CEP192: variants seen among roughly 807,000 people sequenced by gnomAD.
CEP192 encodes centrosomal protein 192.
A neutral mutation model predicts 271.8 loss-of-function variants in CEP192; 151 were observed. That is an observed-to-expected ratio of 0.56 (90% confidence interval 0.49 to 0.64). CEP192 has a LOEUF of 0.64. CEP192 is among the 30% of genes least tolerant of loss of function. CEP192 has a pLI of 0.00. For missense variants in CEP192, 2,910 were observed against 3,020.5 expected (o/e 0.96, Z 0.86); for synonymous variants, 995 against 1,076.5 (o/e 0.92, Z 1.48).
At chr18:13,042,944 T>A (rs1017691005) in intron 15 of CEP192, among the ~76,000 whole-genome samples, 5 of 152,196 alleles carry the variant, frequency 3.3e-5, no homozygotes, top group African/African-American at 1.2e-4. Flanking sequence ...TCATATGAGG[T>A]GTGTATGTCG....
At chr18:13,010,922 A>C (rs1429630253) in intron 4 of CEP192, among the ~76,000 whole-genome samples, 1 of 151,958 alleles carries the variant, frequency 6.6e-6, no homozygotes, top group Admixed American at 6.6e-5. Context: ...ACATCCAGGA[A>C]ATGCAATTCA....
rs375612705 is a variant in CEP192 at position 13,069,883 on chromosome 18, G to A, written c.5174+27G>A. 4.6e-5 allele frequency: 61 copies of A among 1,328,598 alleles called. 3 individuals are homozygous for A. The South Asian group carries it at 5.0e-4, about 11-fold the overall frequency. 82.3% of individuals were successfully genotyped at this position (1,328,598 alleles called of 1,614,324 possible). The stretch of plus-strand genomic sequence containing the variant: ...TAATATAAAAATGTTATAATGGACC[G>A]GGCACAGTGGCTCATGCCTGTAATC... On this transcript the variant is annotated intron_variant, in intron 27 of 44. Coordinates refer to ENST00000506447, the MANE Select transcript of CEP192 (RefSeq NM_032142.4).
At chr18:13,060,169 A>T (rs968411791) in intron 21 of CEP192, among the ~76,000 whole-genome samples, 8 of 152,228 alleles carry the variant, frequency 5.3e-5, no homozygotes, top group Non-Finnish European at 1.0e-4. Context: ...TAGATGGCAC[A>T]GCCTTCTGCA....
rs760484727 is a variant in CEP192 at position 13,059,220 on chromosome 18, C to T, written c.4396C>T (p.Pro1466Ser). The T allele has an allele frequency of 1.1e-5, 18 of 1,614,042 alleles. No homozygotes were observed. In the South Asian group the frequency reaches 1.9e-4, roughly 17 times the overall value. ...ATGCACATTCAGTGTTGCTTCTTGG[C>T]CATGTTCGACAGATGCTGAGACCAT... The part of the protein sequence containing the change: ...FRCTFSVASW[P>S]CSTDAETIVQ... The change falls in exon 21 of 45, where the codon CCA becomes TCA. Residue 1466 changes from proline (P) to serine (S), a missense_variant. Physicochemically the swap from Pro to Ser is moderately conservative, Grantham distance 74. Transcript: ENST00000506447.
At chr18:13,066,502 A>G (rs1396407782) in intron 21 of CEP192, among the ~76,000 whole-genome samples, 2 of 152,170 alleles carry the variant, frequency 1.3e-5, no homozygotes, top group Non-Finnish European at 2.9e-5. Context: ...TAGGAATCCA[A>G]TGATGTGTCC....
At chr18:13,108,911 G>A (rs1422236146) in intron 40 of CEP192, among the ~76,000 whole-genome samples, 2 of 152,116 alleles carry the variant, frequency 1.3e-5, no homozygotes, top group African/African-American at 4.8e-5. Context: ...AACAATAGAT[G>A]CTAGCAAGGC....
chr18:13,102,331 G>C (rs1386248649), intron 38 of CEP192, among the ~76,000 whole-genome samples: 2 of 151,908 alleles, frequency 1.3e-5, no homozygotes, highest in Non-Finnish European at 2.9e-5. Flanking sequence ...CGCCTCTCGG[G>C]GGGCTTCCTG....
intron 9 of CEP192, among the ~76,000 whole-genome samples, chr18:13,027,447 C>T (rs1349286433): frequency 2.0e-5 from 3 of 152,160 alleles, no homozygotes; most frequent in African/African-American, 7.2e-5. Flanking sequence ...CACACTGAGC[C>T]TGCAGCAATT....
Position 13,052,896 on chromosome 18 carries a change from TGTG to T in CEP192, c.3018-22_3018-20del. On this transcript the variant is annotated intron_variant, in intron 17 of 44. Transcript: ENST00000506447. ...AGTTGAAGGACTGGAGAACTCCAGG[TGTG>T]AGCTACTCTTCTCTTTCAGGTGTGC... 1.3e-6 allele frequency: 2 copies of T among 1,534,146 alleles called. No homozygotes were observed. The highest frequency in any genetic ancestry group is 1.8e-6 in the Non-Finnish European group (2 of 1,132,016).
intron 11 of CEP192, among the ~76,000 whole-genome samples, chr18:13,031,264 T>A (rs2035609427): frequency 6.7e-6 from 1 of 148,538 alleles, no homozygotes. Flanking sequence ...TTTTTTTTTT[T>A]TGAGACAGAG....
At chr18:13,026,794 C>T (rs940258171) in intron 9 of CEP192, among the ~76,000 whole-genome samples, 1 of 152,136 alleles carries the variant, frequency 6.6e-6, no homozygotes, top group Non-Finnish European at 1.5e-5. Flanking sequence ...ATGTTGTCTG[C>T]TGTATCCATT....
At chr18:13,014,520 CCATA>C (rs2145924969) in intron 5 of CEP192, among the ~76,000 whole-genome samples, 1 of 152,174 alleles carries the variant, frequency 6.6e-6, no homozygotes, top group East Asian at 1.9e-4. Flanking sequence ...TTGTGCTTTC[CCATA>C]CAGATTTTTT....
At chr18:13,070,002 A>G in intron 27 of CEP192, 146 bp downstream of exon 27, 1 of 544,838 alleles carries the variant, frequency 1.8e-6, no homozygotes, top group Non-Finnish European at 3.3e-6. Context: ...CTCTACTAAA[A>G]ATACAAAAAT....
At chr18:13,093,817 C>T (rs996614512) in intron 34 of CEP192, among the ~76,000 whole-genome samples, 3 of 152,234 alleles carry the variant, frequency 2.0e-5, no homozygotes, top group African/African-American at 7.2e-5. Context: ...CTAGACAGAG[C>T]AGATACATCT....
chr18:12,999,710 T>C (rs1343654251), intron 2 of CEP192, 122 bp downstream of exon 2: 1 of 573,076 alleles, frequency 1.7e-6, no homozygotes, highest in African/African-American at 1.9e-5. Context: ...GATGGCCAAA[T>C]ATGTGAAATG....
rs1376274750 is a variant in CEP192, at chr18:13,017,184, A to G, written c.641-4A>G. 2.6e-6 allele frequency: 4 copies of G among 1,536,616 alleles called. No individual in the cohort carries two copies. In the East Asian group the frequency reaches 7.4e-5, roughly 28 times the overall value. ...GTCCTGTTTTTTCTCGATTTTATCAATAGATGATGATATTGATGATGAAAT... is the reference window on the plus strand; with the variant it reads ...GTCCTGTTTTTTCTCGATTTTATCAGTAGATGATGATATTGATGATGAAAT... On this transcript the variant is annotated splice_region_variant and splice_polypyrimidine_tract_variant and intron_variant, in intron 6 of 44. Transcript: ENST00000506447.
At chr18:12,995,092 C>G (rs371234988) in intron 1 of CEP192, among the ~76,000 whole-genome samples, 2 of 133,740 alleles carry the variant, frequency 1.5e-5, no homozygotes, top group African/African-American at 2.9e-5. Context: ...GACGGAGTCT[C>G]GCTCTGTCGC....
chr18:13,055,583 C>T (rs1330278858), intron 18 of CEP192, among the ~76,000 whole-genome samples, 197 bp from the exon 19 acceptor site: 1 of 151,920 alleles, frequency 6.6e-6, no homozygotes, highest in African/African-American at 2.4e-5. Context: ...ATTCTTTTTA[C>T]AAAACAACAA....
At chr18:13,008,684 T>C in intron 4 of CEP192, 53 bp downstream of exon 4, 2 of 1,378,306 alleles carry the variant, frequency 1.5e-6, no homozygotes, top group Non-Finnish European at 2.0e-6. Context: ...ATTTCCTTTT[T>C]CATTTCCTTA....
Sources: gnomAD v4.1 joint callset for allele counts (sites outside exome capture counted in the v4.1 genomes callset) on GRCh38, gnomAD v4.1.1 for gene constraint, MANE v1.5 for transcripts, NCBI Gene and HGNC (gene_info 2026-07-23, HGNC 2026-07-21) for gene names.